TGM2: variants seen among roughly 807,000 people sequenced by gnomAD.
TGM2 encodes the protein transglutaminase 2, also known as protein-glutamine gamma-glutamyltransferase 2.
Under a neutral mutation model 75.6 loss-of-function variants are expected in TGM2, and 53 were observed. That is an observed-to-expected ratio of 0.70 (90% CI 0.56 to 0.88). The LOEUF (loss-of-function observed/expected upper bound fraction) is 0.88. TGM2 is among the 40% of genes least tolerant of loss of function. The pLI is 0.00. For missense variants in TGM2, 842 were observed against 928.5 expected (o/e 0.91, Z 1.21); for synonymous variants, 374 against 381.1 (o/e 0.98, Z 0.22).
At chr20:38,144,354 G>A (rs1479977871) in intron 6 of TGM2, among the ~76,000 whole-genome samples, 1 of 152,218 alleles carries the variant, frequency 6.6e-6, no homozygotes, top group Non-Finnish European at 1.5e-5. Flanking sequence ...GGCCGCGGGT[G>A]TGGGCACAGC....
intron 1 of TGM2, among the ~76,000 whole-genome samples, chr20:38,162,508 T>C (rs186170261): frequency 3.9e-5 from 6 of 152,056 alleles, no homozygotes; most frequent in African/African-American, 1.5e-4. Flanking sequence ...AATAAATAGA[T>C]TGCAAGAAAG....
intron 3 of TGM2, among the ~76,000 whole-genome samples, chr20:38,154,944 A>G (rs528051583): frequency 6.0e-4 from 92 of 152,280 alleles, no homozygotes; most frequent in African/African-American, 2.0e-3. Context: ...CGTTTCTACT[A>G]AAAATACAAA....
chr20:38,142,823 G>T (rs1360445167), intron 6 of TGM2, among the ~76,000 whole-genome samples: 1 of 152,200 alleles, frequency 6.6e-6, no homozygotes. Context: ...GGCCCTGCAG[G>T]GTCTGGCCCC....
intron 4 of TGM2, among the ~76,000 whole-genome samples, chr20:38,150,274 T>A (rs1269081777): frequency 6.6e-6 from 1 of 152,124 alleles, no homozygotes; most frequent in Non-Finnish European, 1.5e-5. Flanking sequence ...AGCCTAAAGG[T>A]CAGGCTGGCT....
intron 8 of TGM2, among the ~76,000 whole-genome samples, chr20:38,140,201 T>A (rs1463446295): frequency 6.6e-6 from 1 of 152,272 alleles, no homozygotes; most frequent in African/African-American, 2.4e-5. Flanking sequence ...GATGTTTACG[T>A]AAGTGTGGTT....
At chr20:38,145,216 G>C (rs1294990720) in intron 6 of TGM2, 1 of 152,186 alleles carries the variant, frequency 6.6e-6, no homozygotes, top group African/African-American at 2.4e-5. Flanking sequence ...TGCTGGTGTG[G>C]AGGATGTGCT....
At position 38,150,705 on chromosome 20, in the gene TGM2, T is replaced by C. The variant is rs894993935; in HGVS notation, c.552+234A>G. Among the ~76,000 whole-genome samples the C allele has an allele frequency of 2.0e-5, 3 of 152,242 alleles. No homozygotes were observed. The South Asian group carries it at 6.2e-4, about 31-fold the overall frequency. ...CCAGCTTCACAGTTCCCAAAGGCTC[T>C]CCTAGTTCTTTCTCCACCTTGAATC... On this transcript the variant is annotated intron_variant, in intron 4 of 12. Coordinates refer to ENST00000361475, the MANE Select transcript of TGM2 (RefSeq NM_004613.4).
Position 38,155,904 on chromosome 20 carries a change from G to A in TGM2, c.376C>T (p.Gln126Ter). ...TGGCCCAGCACAAAGCTGGATCCCTGGTAGCCAGTGGAGGCCTCCAGGCTG... is the reference window on the plus strand; with the variant it reads ...TGGCCCAGCACAAAGCTGGATCCCTAGTAGCCAGTGGAGGCCTCCAGGCTG... ...RLSLEASTGY[Q>*]GSSFVLGHFI... The change falls in exon 3 of 13, where the codon CAG (glutamine) becomes TAG (stop). Residue 126 changes from glutamine (Q) to a stop codon, truncating the protein, a stop_gained. Transcript: ENST00000361475. LOFTEE classifies it high-confidence loss of function. The A allele has an allele frequency of 6.2e-7, 1 of 1,607,270 alleles. No homozygotes were observed. The highest frequency in any genetic ancestry group is 1.1e-5 in the South Asian group (1 of 89,522).
chr20:38,138,279 C>T lies in TGM2; in HGVS notation c.1449G>A (p.Met483Ile). ...AGACGTCAAAGTCACTGCCCATGTT[C>T]ATGCTCTGGCCCACACGGATCCGCA... ...MAMRIRVGQSMNMGSDFDVFA... is the reference protein window; with the variant it reads ...MAMRIRVGQSINMGSDFDVFA... Residue 483 changes from methionine to isoleucine, a missense_variant, in exon 10 of 13, where the codon ATG (methionine) becomes ATA (isoleucine). Transcript: ENST00000361475. The T allele has an allele frequency of 6.2e-7, 1 of 1,614,196 alleles. No homozygotes were observed.
upstream of TGM2, among the ~76,000 whole-genome samples, chr20:38,165,925 G>A (rs935514911): frequency 5.3e-5 from 8 of 151,948 alleles, no homozygotes; most frequent in Non-Finnish European, 8.8e-5. Context: ...AGCCTTGACC[G>A]CGAGCCACAC....
chr20:38,164,229 A>T (rs549170572), intron 1 of TGM2, among the ~76,000 whole-genome samples: 1 of 152,314 alleles, frequency 6.6e-6, no homozygotes, highest in Non-Finnish European at 1.5e-5. Flanking sequence ...CAGCAGGGTC[A>T]GGTGGGTCCA....
intron 11 of TGM2, among the ~76,000 whole-genome samples, chr20:38,132,064 G>A (rs895470624): frequency 6.6e-6 from 1 of 151,878 alleles, no homozygotes; most frequent in African/African-American, 2.4e-5. Context: ...TCCAGCCTTA[G>A]TAGTATAGCA....
chr20:38,141,927 T>C, intron 7 of TGM2, 137 bp downstream of exon 7: 1 of 1,054,754 alleles, frequency 9.5e-7, no homozygotes, highest in Non-Finnish European at 1.4e-6. Flanking sequence ...CCTCTAGGCC[T>C]TCCCCAAGCC....
intron 1 of TGM2, among the ~76,000 whole-genome samples, chr20:38,164,823 A>G (rs1444851750): frequency 3.9e-5 from 6 of 152,160 alleles, no homozygotes. Flanking sequence ...GCTGGCAAGA[A>G]CCACCCAAAC....
intron 1 of TGM2, among the ~76,000 whole-genome samples, chr20:38,163,460 T>G (rs920486344): frequency 7.2e-5 from 11 of 152,220 alleles, no homozygotes; most frequent in African/African-American, 2.7e-4. Context: ...CTTACATAGA[T>G]GCTATCATGA....
intron 9 of TGM2, among the ~76,000 whole-genome samples, chr20:38,138,740 C>T (rs45449408): frequency 1.0e-3 from 153 of 152,296 alleles, no homozygotes; most frequent in Non-Finnish European, 1.6e-3. Flanking sequence ...ATACTAGGCA[C>T]GAATACAGTG....
chr20:38,154,016 G>T (rs952717020), intron 3 of TGM2, among the ~76,000 whole-genome samples: 2 of 151,998 alleles, frequency 1.3e-5, no homozygotes, highest in Middle Eastern at 3.2e-3. Flanking sequence ...GGTGGGTTTC[G>T]CCATGTTGGC....
At chr20:38,132,020 C>T (rs1437506055) in intron 11 of TGM2, among the ~76,000 whole-genome samples, 2 of 152,036 alleles carry the variant, frequency 1.3e-5, no homozygotes, top group African/African-American at 4.8e-5. Context: ...TCCCCCACCC[C>T]ACCCTGCCCC....
At chr20:38,147,864 C>G (rs1467631798) in intron 5 of TGM2, 97 bp downstream of exon 5, 1 of 1,522,430 alleles carries the variant, frequency 6.6e-7, no homozygotes, top group Non-Finnish European at 8.9e-7. Context: ...TCTCCCGGGT[C>G]CCCCACCGCG....
Sources: allele counts gnomAD v4.1 joint callset (sites outside exome capture counted in the v4.1 genomes callset), GRCh38; gene constraint gnomAD v4.1.1; transcripts MANE v1.5; gene names NCBI Gene and HGNC (gene_info 2026-07-23, HGNC 2026-07-21).